The following ZNHIT6 variants were observed in gnomAD, a reference collection of about 807,000 sequenced individuals.
ZNHIT6 encodes box C/D snoRNA protein 1.
A neutral mutation model predicts 57.2 loss-of-function variants in ZNHIT6; 45 were observed. The ratio of observed to expected loss-of-function variants is 0.79; its 90% CI spans 0.62 to 1.01. ZNHIT6 has a LOEUF of 1.01. Ranked by LOEUF, ZNHIT6 falls within the 50% of genes least tolerant of loss-of-function variation. The pLI is 0.00. For synonymous variants in ZNHIT6, 188 were observed against 190.0 expected (o/e 0.99, Z 0.09); for missense variants, 528 against 567.3 (o/e 0.93, Z 0.70).
intron 5 of ZNHIT6, among the ~76,000 whole-genome samples, chr1:85,687,310 A>AAATTT (rs1557861254): frequency 7.0e-6 from 1 of 143,588 alleles, no homozygotes; most frequent in Non-Finnish European, 1.5e-5. Flanking sequence ...AAAAAAAAAA[A>AAATTT]ACAATTTAGA....
chr1:85,702,166 A>T lies in ZNHIT6; in HGVS notation c.1010T>A (p.Phe337Tyr). The T allele has an allele frequency of 6.2e-7, 1 of 1,603,084 alleles. No individual in the cohort carries two copies. The highest frequency in any genetic ancestry group is 8.5e-7 in the Non-Finnish European group (1 of 1,176,040). The change falls in exon 5 of 10, where the codon TTT becomes TAT. Residue 337 changes from phenylalanine to tyrosine, a missense_variant. Coordinates refer to ENST00000370574, the MANE Select transcript of ZNHIT6 (RefSeq NM_017953.4). ...AAAGTTAGAAACTTACTTCTTATCA[A>T]AAAAGGTTGAATTCTCCTTCCTCTT... ...FTKRKENSTF[F>Y]DKKKQQFCWH...
chr1:85,677,674 C>G (rs2100677114), intron 7 of ZNHIT6, among the ~76,000 whole-genome samples: 1 of 152,324 alleles, frequency 6.6e-6, no homozygotes, highest in Middle Eastern at 3.4e-3. Context: ...ATTTTAAAGA[C>G]TGCTTGATAT....
rs1265295774 is a variant in ZNHIT6, at chr1:85,708,386, T to A, written c.-102A>T. On this transcript the variant is annotated 5_prime_UTR_variant, in exon 1 of 10. Coordinates refer to ENST00000370574, the MANE Select transcript of ZNHIT6 (RefSeq NM_017953.4). ...GTCGGAATACCTACGGCGGCCCACG[T>A]GTGGAGCCAAGCAGCCACAAACCCG... 74 of 1,434,640 alleles carry A rather than the reference T, an allele frequency of 5.2e-5. No homozygotes were observed. Among genetic ancestry groups the A allele is most frequent in the Non-Finnish European group, 6.7e-5 (72 of 1,078,782 alleles). The allele number at this position is 1,434,640 out of a possible 1,614,324, so 88.9% of individuals were successfully genotyped here.
intron 5 of ZNHIT6, among the ~76,000 whole-genome samples, chr1:85,691,560 A>T (rs1662219755): frequency 6.6e-6 from 1 of 152,246 alleles, no homozygotes; most frequent in South Asian, 2.1e-4. Flanking sequence ...AAAGGATTCT[A>T]AGTAGCTGAC....
intron 5 of ZNHIT6, among the ~76,000 whole-genome samples, chr1:85,690,981 GTGCCAC>G (rs1662199973): frequency 6.6e-6 from 1 of 152,090 alleles, no homozygotes; most frequent in South Asian, 2.1e-4. Context: ...AGCCGAGATC[GTGCCAC>G]TGCACTCCAG....
chr1:85,707,078 T>C (rs556226437), intron 1 of ZNHIT6, among the ~76,000 whole-genome samples: 2 of 152,328 alleles, frequency 1.3e-5, no homozygotes, highest in African/African-American at 4.8e-5. Flanking sequence ...GTTACTTCTA[T>C]TTAGCCCACT....
In ZNHIT6 at chr1:85,687,289, AAAAAAAAAAC is replaced by A. The variant is rs1159754141; in HGVS notation, c.1020-6395_1020-6386del. ...GAGTGAGAAGACTATCTCAAAAAAC[AAAAAAAAAAC>A]AAAAAAAAAAAACAATTTAGAACCC... is the stretch of plus-strand genomic sequence containing the variant. On this transcript the variant is annotated intron_variant, in intron 5 of 9. Coordinates refer to ENST00000370574, the MANE Select transcript of ZNHIT6 (RefSeq NM_017953.4). 1.2e-4 allele frequency among the ~76,000 whole-genome samples: 15 copies of A among 120,350 alleles called. 2 individuals are homozygous for A. The highest frequency in any genetic ancestry group is 8.4e-4 in the South Asian group (3 of 3,586). The allele number at this position is 120,350 out of a possible 152,430, so 79.0% of individuals were successfully genotyped here. A position where few individuals can be genotyped will look rare whatever the true frequency, so the allele number is the denominator to read the frequency against.
intron 6 of ZNHIT6, 102 bp from the exon 7 acceptor site, chr1:85,678,883 A>C: frequency 5.0e-6 from 3 of 604,412 alleles, no homozygotes. Context: ...TTTGGTTTAA[A>C]TAACTGAACA....
intron 8 of ZNHIT6, among the ~76,000 whole-genome samples, chr1:85,667,244 G>A (rs201655890): frequency 1.1e-3 from 170 of 152,204 alleles, no homozygotes; most frequent in African/African-American, 3.8e-3. Context: ...TATGTACGAA[G>A]TGCTTACCAG....
chr1:85,691,796 G>C (rs1044311241), intron 5 of ZNHIT6, among the ~76,000 whole-genome samples: 1 of 152,112 alleles, frequency 6.6e-6, no homozygotes, highest in Non-Finnish European at 1.5e-5. Context: ...GGACGCACAA[G>C]AATCATTTGA....
rs1257852747 is a variant in ZNHIT6 at position 85,652,443 on chromosome 1, C to T, written c.*1615G>A. On this transcript the variant is annotated 3_prime_UTR_variant, in exon 10 of 10. Coordinates refer to ENST00000370574, the MANE Select transcript of ZNHIT6 (RefSeq NM_017953.4). The stretch of plus-strand genomic sequence containing the variant: ...TTCTTTATCATATATTAGAAGATTC[C>T]TGATGTTGCTTTAGAGATTATAAAT... The T allele has an allele frequency of 6.6e-6, 1 of 152,088 alleles. No homozygotes were observed. The highest frequency in any genetic ancestry group is 1.5e-5 in the Non-Finnish European group (1 of 68,004). The allele number at this position is 152,088 out of a possible 1,614,324, so 9.4% of individuals were successfully genotyped here.
Position 85,651,856 on chromosome 1 carries a change from T to C in ZNHIT6, c.*2202A>G, listed in dbSNP as rs990107252. ...TAGGGTTTTCAGTTAGTTATTCCAA[T>C]TTCATTCTCTCCAAGCCATTGGTAA... is the stretch of plus-strand genomic sequence containing the variant. On this transcript the variant is annotated 3_prime_UTR_variant, in exon 10 of 10. Coordinates refer to ENST00000370574, the MANE Select transcript of ZNHIT6 (RefSeq NM_017953.4). 6.6e-6 allele frequency: 1 copy of C among 152,192 alleles called. No individual in the cohort carries two copies. The allele number at this position is 152,192 out of a possible 1,614,324, so 9.4% of individuals were successfully genotyped here.
chr1:85,683,521 A>C (rs1661938946), intron 5 of ZNHIT6, among the ~76,000 whole-genome samples: 1 of 151,144 alleles, frequency 6.6e-6, no homozygotes, highest in African/African-American at 2.4e-5. Context: ...AGATTCCGTC[A>C]CAGAAAAAAA....
At position 85,652,139 on chromosome 1, in the gene ZNHIT6, G is replaced by C. The variant is rs1200310838; in HGVS notation, c.*1919C>G. On this transcript the variant is annotated 3_prime_UTR_variant, in exon 10 of 10. Coordinates refer to ENST00000370574, the MANE Select transcript of ZNHIT6 (RefSeq NM_017953.4). ...TCCAGGTTTCAATTTAAATTCAGAA[G>C]GGGGGATGGAACTCAAGACTTTTCT... 1 of 152,092 alleles carries C rather than the reference G, an allele frequency of 6.6e-6. No individual in the cohort carries two copies. The highest frequency in any genetic ancestry group is 2.4e-5 in the African/African-American group (1 of 41,422). 9.4% of individuals were successfully genotyped at this position (152,092 alleles called of 1,614,324 possible).
Position 85,654,115 on chromosome 1 carries a change from A to G in ZNHIT6, c.1373-17T>C. The G allele has an allele frequency of 2.5e-6, 4 of 1,607,886 alleles. No homozygotes were observed. In the East Asian group the frequency reaches 8.9e-5, roughly 36 times the overall value. ...CACTCTTCACTAGAAAAAAATAAGT[A>G]AACATACAGTCAAGTGTTTATATTT... is the stretch of plus-strand genomic sequence containing the variant. On this transcript the variant is annotated splice_polypyrimidine_tract_variant and intron_variant, in intron 9 of 9. Coordinates refer to ENST00000370574, the MANE Select transcript of ZNHIT6 (RefSeq NM_017953.4).
At chr1:85,687,310 A>AAC (rs1557861257) in intron 5 of ZNHIT6, among the ~76,000 whole-genome samples, 10 of 143,590 alleles carry the variant, frequency 7.0e-5, no homozygotes, top group African/African-American at 2.5e-4. Context: ...AAAAAAAAAA[A>AAC]ACAATTTAGA....
At chr1:85,678,809 T>C (rs753545138) in intron 6 of ZNHIT6, 28 bp from the exon 7 acceptor site, 2 of 1,235,960 alleles carry the variant, frequency 1.6e-6, no homozygotes, top group South Asian at 1.5e-5. Context: ...AAAAACAAGC[T>C]ATATTAGTAT....
intron 8 of ZNHIT6, among the ~76,000 whole-genome samples, chr1:85,675,125 C>G (rs1661664514): frequency 6.6e-6 from 1 of 152,146 alleles, no homozygotes; most frequent in South Asian, 2.1e-4. Flanking sequence ...GGAAACTGCT[C>G]TCATGCCATT....
intron 5 of ZNHIT6, among the ~76,000 whole-genome samples, chr1:85,686,170 C>T (rs553624942): frequency 5.3e-5 from 8 of 151,180 alleles, no homozygotes; most frequent in African/African-American, 1.9e-4. Context: ...ACTATGTTAG[C>T]CAGGATGGTC....
Sources: allele counts gnomAD v4.1 joint callset (sites outside exome capture counted in the v4.1 genomes callset), GRCh38; gene constraint gnomAD v4.1.1; transcripts MANE v1.5; gene names NCBI Gene and HGNC (gene_info 2026-07-23, HGNC 2026-07-21).